TBC1D15: variants seen among roughly 807,000 people sequenced by gnomAD.
The protein encoded by TBC1D15 is GAP for RAB7.
A neutral mutation model predicts 95.4 loss-of-function variants in TBC1D15; 39 were observed. The observed-to-expected ratio is 0.41, with a 90% CI of 0.32 to 0.53. TBC1D15 has a LOEUF of 0.53. Ranked by LOEUF, TBC1D15 falls within the 20% of genes least tolerant of loss-of-function variation. TBC1D15 has a pLI of 0.29. For missense variants in TBC1D15, 733 were observed against 794.3 expected (o/e 0.92, Z 0.93); for synonymous variants, 258 against 261.3 (o/e 0.99, Z 0.12).
At chr12:71,918,986 A>G (rs1868306466) in intron 14 of TBC1D15, among the ~76,000 whole-genome samples, 1 of 152,102 alleles carries the variant, frequency 6.6e-6, no homozygotes, top group African/African-American at 2.4e-5. Context: ...GGTTTGTTAC[A>G]TAGGTAAATT....
At chr12:71,890,288 C>G (rs1896982219) in intron 5 of TBC1D15, among the ~76,000 whole-genome samples, 1 of 152,162 alleles carries the variant, frequency 6.6e-6, no homozygotes, top group Non-Finnish European at 1.5e-5. Flanking sequence ...AACGATGTTT[C>G]CAGAGTCTTA....
intron 1 of TBC1D15, among the ~76,000 whole-genome samples, chr12:71,855,442 A>G (rs1888812508): frequency 6.6e-6 from 1 of 152,068 alleles, no homozygotes; most frequent in African/African-American, 2.4e-5. Context: ...TAGGTTAAAA[A>G]ATAGACCTTT....
At chr12:71,868,557 T>C (rs1219338150) in intron 1 of TBC1D15, among the ~76,000 whole-genome samples, 12 of 152,152 alleles carry the variant, frequency 7.9e-5, no homozygotes, top group Admixed American at 7.9e-4. Context: ...GCTTTGACTT[T>C]TTTGTAAGGT....
At chr12:71,842,171 ACTTG>A (rs1209976665) in intron 1 of TBC1D15, among the ~76,000 whole-genome samples, 1 of 152,104 alleles carries the variant, frequency 6.6e-6, no homozygotes, top group Non-Finnish European at 1.5e-5. Flanking sequence ...TTAAAACTCT[ACTTG>A]CTTTGAACTT....
At position 71,893,089 on chromosome 12, in the gene TBC1D15, G is replaced by A. The variant is rs1010665723; in HGVS notation, c.555-133G>A. On this transcript the variant is annotated intron_variant, in intron 5 of 16. Coordinates refer to ENST00000485960, the MANE Select transcript of TBC1D15 (RefSeq NM_001146213.3). ...AAATAGTTACTAAATATTTGCTAAT[G>A]TATTAATGGAAAACTGTTAAAATAT... 18 of 511,436 alleles carry A rather than the reference G, an allele frequency of 3.5e-5. 1 individual carries two copies. The highest frequency in any genetic ancestry group is 2.4e-4 in the South Asian group (7 of 28,870). The allele number at this position is 511,436 out of a possible 1,614,324, so 31.7% of individuals were successfully genotyped here.
intron 1 of TBC1D15, among the ~76,000 whole-genome samples, chr12:71,868,066 G>A (rs962596121): frequency 2.6e-5 from 4 of 152,014 alleles, no homozygotes; most frequent in African/African-American, 9.7e-5. Flanking sequence ...TGACAGAAGT[G>A]TTACTTTGTA....
In TBC1D15 at chr12:71,885,031, A is replaced by G. The variant is rs751226919; in HGVS notation, c.554+10A>G. Reference sequence around the variant, plus strand: ...ATGTGGTATTGTGTGAGTAAGTATCATATTATTTTCTACTTATTGAAACCA... The same window carrying G: ...ATGTGGTATTGTGTGAGTAAGTATCGTATTATTTTCTACTTATTGAAACCA... On this transcript the variant is annotated intron_variant, in intron 5 of 16. Coordinates refer to ENST00000485960, the MANE Select transcript of TBC1D15 (RefSeq NM_001146213.3). 3.1e-6 allele frequency: 5 copies of G among 1,611,438 alleles called. No homozygotes were observed. Among genetic ancestry groups the G allele is most frequent in the African/African-American group, 1.3e-5 (1 of 74,890 alleles).
At chr12:71,847,889 G>A (rs555509889) in intron 1 of TBC1D15, among the ~76,000 whole-genome samples, 1 of 152,044 alleles carries the variant, frequency 6.6e-6, no homozygotes, top group Non-Finnish European at 1.5e-5. Flanking sequence ...CCTGAGGCCA[G>A]GAGTTCAAGA....
At chr12:71,839,945 C>T (rs1884486959) in intron 1 of TBC1D15, 134 bp downstream of exon 1, 6 of 1,117,456 alleles carry the variant, frequency 5.4e-6, no homozygotes, top group African/African-American at 1.5e-5. Context: ...TAGGAGAAGA[C>T]TGGGTGGTAC....
At chr12:71,850,984 C>CAAAAAAAAAAA (rs1206992856) in intron 1 of TBC1D15, among the ~76,000 whole-genome samples, 4 of 46,958 alleles carry the variant, frequency 8.5e-5, no homozygotes, top group Non-Finnish European at 1.3e-4. Flanking sequence ...CACTCCATCT[C>CAAAAAAAAAAA]AAAAAAAAAA....
intron 6 of TBC1D15, chr12:71,894,434 G>T: frequency 6.6e-7 from 1 of 1,523,832 alleles, no homozygotes; most frequent in Non-Finnish European, 9.1e-7. Flanking sequence ...CAAATCATTT[G>T]TTTATCTGCA....
Position 71,923,080 on chromosome 12 carries a change from C to T in TBC1D15, c.1901C>T (p.Thr634Ile), listed in dbSNP as rs1375387421. ...DVGEDENVVM[T>I]PCPTSAFQSN... ...GGTGAAGACGAAAATGTTGTCATGA[C>T]TCCTTGTCCTACATCTGCATTTCAA... Residue 634 changes from threonine to isoleucine, a missense_variant, in exon 17 of 17, where the codon ACT becomes ATT. Transcript: ENST00000485960. The T allele has an allele frequency of 6.2e-7, 1 of 1,614,204 alleles. No homozygotes were observed. Among genetic ancestry groups the T allele is most frequent in the Admixed American group, 1.7e-5 (1 of 60,022 alleles).
intron 10 of TBC1D15, among the ~76,000 whole-genome samples, chr12:71,899,368 A>G (rs896037191): frequency 6.6e-6 from 1 of 152,148 alleles, no homozygotes; most frequent in African/African-American, 2.4e-5. Flanking sequence ...TAAGCCATCT[A>G]TCTCGTTAGT....
At position 71,880,534 on chromosome 12, in the gene TBC1D15, T is replaced by A; in HGVS notation, c.270T>A (p.His90Gln). The A allele has an allele frequency of 6.2e-7, 1 of 1,613,482 alleles. No individual in the cohort carries two copies. Among genetic ancestry groups the A allele is most frequent in the Non-Finnish European group, 8.5e-7 (1 of 1,179,656 alleles). Residue 90 changes from histidine (H) to glutamine (Q), a missense_variant, in exon 4 of 17, where the codon CAT (histidine) becomes CAA (glutamine). Physicochemically the swap from His to Gln is conservative, Grantham distance 24. Coordinates refer to ENST00000485960, the MANE Select transcript of TBC1D15 (RefSeq NM_001146213.3). ...PKERGHRGSE[H>Q]LNSYEAEWDM... ...AAAGAGGTCATCGAGGATCAGAACA[T>A]CTGAACAGTTACGAAGCAGAATGGG...
intron 1 of TBC1D15, chr12:71,850,180 T>C: frequency 1.7e-6 from 1 of 572,752 alleles, no homozygotes; most frequent in Non-Finnish European, 3.4e-6. Flanking sequence ...ACTCATTACA[T>C]AGTGAAATCT....
chr12:71,922,892 G>T, intron 16 of TBC1D15, 91 bp from the exon 17 acceptor site: 2 of 1,185,326 alleles, frequency 1.7e-6, no homozygotes, highest in South Asian at 1.4e-5. Context: ...TCAGATTCTG[G>T]AATCAATGTA....
intron 11 of TBC1D15, among the ~76,000 whole-genome samples, chr12:71,912,446 G>A (rs965253310): frequency 6.6e-6 from 1 of 152,060 alleles, no homozygotes; most frequent in African/African-American, 2.4e-5. Context: ...AAGATGTGGT[G>A]GTAAGATGAT....
chr12:71,852,760 CACTTCCCAGT>C (rs1020394089), intron 1 of TBC1D15, among the ~76,000 whole-genome samples: 23 of 152,160 alleles, frequency 1.5e-4, no homozygotes, highest in Non-Finnish European at 3.1e-4. Context: ...ACTTTTACTC[CACTTCCCAGT>C]AGTTCCTCAT....
At chr12:71,891,662 C>T (rs1447117398) in intron 5 of TBC1D15, among the ~76,000 whole-genome samples, 2 of 152,018 alleles carry the variant, frequency 1.3e-5, no homozygotes, top group Admixed American at 6.6e-5. Flanking sequence ...CATATCTTCC[C>T]TCCTTCTTAG....
Sources: allele counts gnomAD v4.1 joint callset (sites outside exome capture counted in the v4.1 genomes callset), GRCh38; gene constraint gnomAD v4.1.1; transcripts MANE v1.5; gene names NCBI Gene and HGNC (gene_info 2026-07-23, HGNC 2026-07-21).